DGKI: variants seen among roughly 807,000 people sequenced by gnomAD.
DGKI encodes diacylglycerol kinase iota.
In DGKI, 55 loss-of-function variants were observed where a neutral mutation model predicts 147.5. The ratio of observed to expected loss-of-function variants is 0.37; its 90% CI spans 0.30 to 0.47. The LOEUF is 0.47. DGKI is among the 20% of genes least tolerant of loss of function. The probability of loss-of-function intolerance (pLI) is 1.00; values close to 1 mark genes in which losing one functional copy is unlikely to be tolerated. For synonymous variants in DGKI, 469 were observed against 477.1 expected, an observed-to-expected ratio of 0.98 and a Z score of 0.22; for missense variants, 1,007 against 1,323.8, an observed-to-expected ratio of 0.76 and a Z score of 3.71.
At chr7:137,476,525 A>T (rs1323026054) in intron 23 of DGKI, among the ~76,000 whole-genome samples, 1 of 152,200 alleles carries the variant, frequency 6.6e-6, no homozygotes, top group Non-Finnish European at 1.5e-5. Flanking sequence ...GGAGTGTTCA[A>T]GTCTCACATA....
chr7:137,572,738 C>G (rs765453649), intron 18 of DGKI, 27 bp downstream of exon 18: 1 of 1,518,166 alleles, frequency 6.6e-7, no homozygotes, highest in African/African-American at 1.4e-5. Context: ...CACGTCAAAC[C>G]AAGGAAACAA....
intron 1 of DGKI, among the ~76,000 whole-genome samples, chr7:137,767,534 A>AG (rs1217300715): frequency 2.2e-5 from 3 of 139,366 alleles, no homozygotes; most frequent in African/African-American, 5.7e-5. Flanking sequence ...AGAGAAGAGT[A>AG]GAGTAGGAGG....
intron 7 of DGKI, 113 bp from the exon 8 acceptor site, chr7:137,620,053 ACTCAT>A: frequency 2.8e-6 from 2 of 725,914 alleles, no homozygotes; most frequent in Non-Finnish European, 4.8e-6. Flanking sequence ...ACACACACAC[ACTCAT>A]TACATGCACA....
intron 5 of DGKI, among the ~76,000 whole-genome samples, chr7:137,650,754 T>C (rs1381904636): frequency 1.3e-5 from 2 of 152,124 alleles, no homozygotes; most frequent in Non-Finnish European, 2.9e-5. Context: ...CTGTGAGAAA[T>C]AATTTTTGTT....
intron 10 of DGKI, among the ~76,000 whole-genome samples, chr7:137,600,875 T>G (rs927335280): frequency 6.6e-6 from 1 of 152,136 alleles, no homozygotes; most frequent in East Asian, 1.9e-4. Flanking sequence ...ACGTGAACAT[T>G]TTTGGGGCAT....
intron 23 of DGKI, among the ~76,000 whole-genome samples, chr7:137,484,850 T>C (rs1815498495): frequency 6.6e-6 from 1 of 152,070 alleles, no homozygotes; most frequent in African/African-American, 2.4e-5. Flanking sequence ...TTGATGGTTG[T>C]AGGAAGCATG....
intron 28 of DGKI, among the ~76,000 whole-genome samples, chr7:137,423,211 A>G (rs1208110823): frequency 6.6e-6 from 1 of 152,202 alleles, no homozygotes; most frequent in African/African-American, 2.4e-5. Flanking sequence ...AAATGAGAGG[A>G]AGGTGCCATG....
At position 137,629,292 on chromosome 7, in the gene DGKI, T is replaced by C. The variant is rs10270281; in HGVS notation, c.805-5738A>G. Among the ~76,000 whole-genome samples, 931 of 152,328 alleles carry C rather than the reference T, an allele frequency of 6.1e-3. 4 individuals carry two copies. The highest frequency in any genetic ancestry group is 0.021 in the African/African-American group (892 of 41,566). On this transcript the variant is annotated intron_variant, in intron 6 of 32. Transcript: ENST00000614521. ...AAATGTTTATCATACATTTAATTAA[T>C]GGCAAAGTTAAGTTTCTAGCAAAAT...
At chr7:137,676,617 T>G (rs1823047269) in intron 3 of DGKI, among the ~76,000 whole-genome samples, 1 of 152,220 alleles carries the variant, frequency 6.6e-6, no homozygotes, top group Admixed American at 6.5e-5. Context: ...TCAGACGTTT[T>G]GTAATATGAG....
At chr7:137,630,770 G>A (rs1821098326) in intron 6 of DGKI, among the ~76,000 whole-genome samples, 1 of 151,956 alleles carries the variant, frequency 6.6e-6, no homozygotes, top group Non-Finnish European at 1.5e-5. Context: ...ATTCAATAAG[G>A]CCAAAATCAT....
chr7:137,655,741 T>C (rs1346872081), intron 4 of DGKI, among the ~76,000 whole-genome samples: 1 of 152,166 alleles, frequency 6.6e-6, no homozygotes, highest in Non-Finnish European at 1.5e-5. Flanking sequence ...ATGAATGTCA[T>C]GGGGGACTAA....
intron 27 of DGKI, among the ~76,000 whole-genome samples, chr7:137,460,106 T>C (rs1563031767): frequency 1.3e-5 from 2 of 152,172 alleles, no homozygotes; most frequent in Admixed American, 6.5e-5. Context: ...AATTGAACCT[T>C]TCCTATCCCC....
rs955585333 is a variant in DGKI at position 137,770,776 on chromosome 7, G to A, written c.401+75686C>T. On this transcript the variant is annotated intron_variant, in intron 1 of 32. Coordinates refer to ENST00000614521, the MANE Select transcript of DGKI (RefSeq NM_001321708.2). Reference sequence around the variant, plus strand: ...TCTCGATCTCCTGACCTCGTGATCCGCCCGCCTCGGCCTCCCAAAGTGCTG... The same window carrying A: ...TCTCGATCTCCTGACCTCGTGATCCACCCGCCTCGGCCTCCCAAAGTGCTG... 4.9e-4 allele frequency among the ~76,000 whole-genome samples: 24 copies of A among 49,268 alleles called. 5 individuals are homozygous for A. The highest frequency in any genetic ancestry group is 9.3e-4 in the African/African-American group (2 of 2,142). 32.3% of individuals were successfully genotyped at this position (49,268 alleles called of 152,430 possible).
chr7:137,721,165 C>T (rs1309278200), intron 1 of DGKI, among the ~76,000 whole-genome samples: 1 of 152,124 alleles, frequency 6.6e-6, no homozygotes, highest in Non-Finnish European at 1.5e-5. Flanking sequence ...TTCAGGGAGG[C>T]CTCCACATTG....
intron 1 of DGKI, among the ~76,000 whole-genome samples, chr7:137,737,659 A>G (rs1795062539): frequency 6.6e-6 from 1 of 152,160 alleles, no homozygotes; most frequent in Non-Finnish European, 1.5e-5. Flanking sequence ...TATTATTTAG[A>G]TACTGTATTT....
intron 17 of DGKI, 21 bp from the exon 18 acceptor site, chr7:137,572,859 A>G (rs1467695239): frequency 3.1e-6 from 5 of 1,589,472 alleles, no homozygotes; most frequent in Middle Eastern, 1.7e-4. Context: ...GAAAACAGAA[A>G]AGGGGTTTTG....
intron 10 of DGKI, among the ~76,000 whole-genome samples, chr7:137,600,679 T>C (rs1402197997): frequency 1.3e-5 from 2 of 152,224 alleles, no homozygotes; most frequent in Non-Finnish European, 1.5e-5. Flanking sequence ...ATATAAAATA[T>C]GGGCAGTATT....
Position 137,386,196 on chromosome 7 carries a change from T to G in DGKI, c.*5024A>C, listed in dbSNP as rs1811171882. 6.6e-6 allele frequency: 1 copy of G among 152,126 alleles called. No individual in the cohort carries two copies. Among genetic ancestry groups the G allele is most frequent in the African/African-American group, 2.4e-5 (1 of 41,438 alleles). The allele number at this position is 152,126 out of a possible 1,614,324, so 9.4% of individuals were successfully genotyped here. On this transcript the variant is annotated 3_prime_UTR_variant, in exon 33 of 33. Coordinates refer to ENST00000614521, the MANE Select transcript of DGKI (RefSeq NM_001321708.2). Reference sequence around the variant, plus strand: ...CTTTCTGGGACCTGGTCAGTAAATCTCAGTGTCCTGGGAGAGGAGGTTGTC... The same window carrying G: ...CTTTCTGGGACCTGGTCAGTAAATCGCAGTGTCCTGGGAGAGGAGGTTGTC...
intron 27 of DGKI, among the ~76,000 whole-genome samples, chr7:137,462,761 C>T (rs752797796): frequency 2.0e-5 from 3 of 152,150 alleles, no homozygotes; most frequent in Admixed American, 6.5e-5. Flanking sequence ...ATTTGCATAA[C>T]CTCTGAGATG....
Sources: gnomAD v4.1 joint callset for allele counts (sites outside exome capture counted in the v4.1 genomes callset) on GRCh38, gnomAD v4.1.1 for gene constraint, MANE v1.5 for transcripts, NCBI Gene and HGNC (gene_info 2026-07-23, HGNC 2026-07-21) for gene names.